FRY: variants seen among roughly 807,000 people sequenced by gnomAD.
FRY encodes protein furry homolog.
FRY carries 128 observed loss-of-function variants against 348.4 expected under a neutral mutation model. The ratio of observed to expected loss-of-function variants is 0.37; its 90% CI spans 0.32 to 0.43. The LOEUF (loss-of-function observed/expected upper bound fraction) is 0.43. Ranked by LOEUF, FRY falls within the 20% of genes least tolerant of loss-of-function variation. The pLI, the probability that FRY is intolerant of heterozygous loss-of-function variation, is 1.00. For synonymous variants in FRY, 1,370 were observed against 1,374.7 expected, an observed-to-expected ratio of 1.00 and a Z score of 0.08; for missense variants, 2,736 against 3,695.2, an observed-to-expected ratio of 0.74 and a Z score of 6.73.
At chr13:32,178,791 T>C in intron 21 of FRY, 53 bp from the exon 22 acceptor site, 7 of 1,154,502 alleles carry the variant, frequency 6.1e-6, no homozygotes, top group Non-Finnish European at 7.9e-6. Context: ...TAATAAGTGA[T>C]ATTTAAAATC....
chr13:32,131,584 CT>C, intron 7 of FRY, 87 bp from the exon 8 acceptor site: 1 of 874,706 alleles, frequency 1.1e-6, no homozygotes. Context: ...TTCCATTGCT[CT>C]GCTCAATCAC....
chr13:32,278,721 G>T (rs1888667462), intron 58 of FRY, 173 bp downstream of exon 58: 1 of 724,958 alleles, frequency 1.4e-6, no homozygotes. Flanking sequence ...ACTGTGTGTT[G>T]ATGGGATTTG....
At chr13:32,240,657 G>C (rs1886453555) in intron 46 of FRY, among the ~76,000 whole-genome samples, 1 of 152,180 alleles carries the variant, frequency 6.6e-6, no homozygotes, top group Non-Finnish European at 1.5e-5. Flanking sequence ...TCTCCAACAA[G>C]TTTATTACAC....
intron 54 of FRY, 149 bp from the exon 55 acceptor site, chr13:32,267,020 AT>A: frequency 4.0e-6 from 3 of 743,960 alleles, no homozygotes; most frequent in Non-Finnish European, 7.1e-6. Context: ...TGACTGCTGA[AT>A]GAAAGCCAAG....
At chr13:32,233,096 G>A (rs1886008047) in intron 41 of FRY, among the ~76,000 whole-genome samples, 1 of 152,026 alleles carries the variant, frequency 6.6e-6, no homozygotes. Flanking sequence ...CATAAGATAC[G>A]AGCAGCCTAC....
chr13:32,044,899 TAAAAG>T (rs755141695), intron 1 of FRY, among the ~76,000 whole-genome samples: 35 of 152,162 alleles, frequency 2.3e-4, no homozygotes, highest in Non-Finnish European at 4.1e-4. Context: ...TTCCTGCCCT[TAAAAG>T]AAGAGTGTCA....
intron 2 of FRY, among the ~76,000 whole-genome samples, chr13:32,082,676 A>T (rs1316592346): frequency 6.6e-6 from 1 of 152,136 alleles, no homozygotes; most frequent in Admixed American, 6.5e-5. Context: ...GTTCATCTGA[A>T]TGTCTTTATT....
intron 50 of FRY, among the ~76,000 whole-genome samples, chr13:32,253,996 G>A (rs1887213717): frequency 1.3e-5 from 2 of 151,984 alleles, no homozygotes; most frequent in Admixed American, 6.6e-5. Flanking sequence ...AAAAAGCAGC[G>A]ACGTGATTCT....
chr13:32,101,934 A>G, intron 2 of FRY, 29 bp from the exon 3 acceptor site: 1 of 1,196,134 alleles, frequency 8.4e-7, no homozygotes, highest in Non-Finnish European at 1.3e-6. Flanking sequence ...TCTAATAATT[A>G]TTCTTGCATA....
At chr13:32,178,013 C>T (rs1215918401) in intron 20 of FRY, among the ~76,000 whole-genome samples, 164 bp from the exon 21 acceptor site, 3 of 152,166 alleles carry the variant, frequency 2.0e-5, no homozygotes, top group Admixed American at 6.5e-5. Flanking sequence ...TGACCACACA[C>T]CAAGGTCAAA....
intron 26 of FRY, among the ~76,000 whole-genome samples, chr13:32,185,980 T>C (rs1883002726): frequency 6.6e-6 from 1 of 152,160 alleles, no homozygotes; most frequent in Non-Finnish European, 1.5e-5. Flanking sequence ...GTGTTGCAGT[T>C]TTCCCAGGTA....
chr13:32,073,984 T>C (rs1874843638), intron 1 of FRY, among the ~76,000 whole-genome samples: 2 of 152,298 alleles, frequency 1.3e-5, no homozygotes, highest in African/African-American at 4.8e-5. Flanking sequence ...GTACTGAAGA[T>C]TTAAACCAGC....
rs187117115 is a variant in FRY, at chr13:32,146,217, G to A, written c.1180-1065G>A. Among the ~76,000 whole-genome samples, 858 of 151,496 alleles carry A rather than the reference G, an allele frequency of 5.7e-3. 5 individuals are homozygous for A. The highest frequency in any genetic ancestry group is 0.02 in the African/African-American group (822 of 41,268). The stretch of plus-strand genomic sequence containing the variant: ...TTTTTACACCTTTCGAAGTATCTAG[G>A]GCCACAAACTGTGGCAGGCTCAGCA... On this transcript the variant is annotated intron_variant, in intron 11 of 60. Transcript: ENST00000542859.
chr13:32,221,384 C>T (rs565852841), intron 36 of FRY, among the ~76,000 whole-genome samples: 4 of 152,364 alleles, frequency 2.6e-5, no homozygotes, highest in African/African-American at 9.6e-5. Flanking sequence ...AATAAACCAG[C>T]TGGTCTGCAG....
At chr13:32,144,585 A>G (rs1052406258) in intron 11 of FRY, among the ~76,000 whole-genome samples, 1 of 152,118 alleles carries the variant, frequency 6.6e-6, no homozygotes, top group African/African-American at 2.4e-5. Context: ...TCATTTCTAA[A>G]CAATTACGAA....
At chr13:32,236,895 G>A (rs888548446) in intron 43 of FRY, among the ~76,000 whole-genome samples, 3 of 152,026 alleles carry the variant, frequency 2.0e-5, no homozygotes, top group African/African-American at 7.2e-5. Context: ...TTGACAAAGA[G>A]TTTTACCTTT....
At position 32,218,845 on chromosome 13, in the gene FRY, G is replaced by A; in HGVS notation, c.4765+14G>A. On this transcript the variant is annotated intron_variant, in intron 36 of 60. Coordinates refer to ENST00000542859, the MANE Select transcript of FRY (RefSeq NM_023037.3). ...ATGAAGATAAAAGTAAGTACCAACAGGCTGTGGGCTTTCAGACGGAACGCA... is the reference window on the plus strand; with the variant it reads ...ATGAAGATAAAAGTAAGTACCAACAAGCTGTGGGCTTTCAGACGGAACGCA... 2 of 1,469,492 alleles carry A rather than the reference G, an allele frequency of 1.4e-6. No homozygotes were observed. The highest frequency in any genetic ancestry group is 1.9e-6 in the Non-Finnish European group (2 of 1,048,408). The allele number at this position is 1,469,492 out of a possible 1,614,324, so 91.0% of individuals were successfully genotyped here.
chr13:32,117,535 C>T, intron 4 of FRY, 62 bp downstream of exon 4: 2 of 1,563,926 alleles, frequency 1.3e-6, no homozygotes, highest in Non-Finnish European at 1.8e-6. Context: ...AAACATAAAT[C>T]AAAATTAGAG....
Position 32,295,753 on chromosome 13 carries a change from A to G in FRY, c.*293A>G, listed in dbSNP as rs1471810136. 3 of 509,516 alleles carry G rather than the reference A, an allele frequency of 5.9e-6. No homozygotes were observed. Among genetic ancestry groups the G allele is most frequent in the South Asian group, 2.3e-5 (1 of 43,304 alleles). 31.6% of individuals were successfully genotyped at this position (509,516 alleles called of 1,614,324 possible). On this transcript the variant is annotated 3_prime_UTR_variant, in exon 61 of 61. Transcript: ENST00000542859. ...CTACTGAAGAAGTGACTTCCGTTGC[A>G]TACCAAAGCCGACTACACTGAACAG...
Sources: allele counts gnomAD v4.1 joint callset (sites outside exome capture counted in the v4.1 genomes callset), GRCh38; gene constraint gnomAD v4.1.1; transcripts MANE v1.5; gene names NCBI Gene and HGNC (gene_info 2026-07-23, HGNC 2026-07-21).